The following GRM7 variants were observed in gnomAD, a reference collection of about 807,000 sequenced individuals.
GRM7 encodes metabotropic glutamate receptor 7.
A neutral mutation model predicts 84.5 loss-of-function variants in GRM7; 35 were observed. That is an observed-to-expected ratio of 0.41 (90% CI 0.32 to 0.55). The LOEUF is 0.55. Ranked by LOEUF, GRM7 falls within the 20% of genes least tolerant of loss-of-function variation. GRM7 has a pLI of 0.19. For synonymous variants in GRM7, 487 were observed against 455.1 expected (o/e 1.07, Z -0.89); for missense variants, 1,003 against 1,194.6 (o/e 0.84, Z 2.36).
chr3:7,312,936 C>CT (rs372557190), intron 4 of GRM7, among the ~76,000 whole-genome samples: 1,420 of 127,256 alleles, frequency 0.011, 20 homozygotes, highest in African/African-American at 0.032. Context: ...TTCTTTTTTT[C>CT]TTTTTTTTTT....
chr3:7,103,744 CTCTCCCTTTCTTTCTTT>C (rs1699187384), intron 1 of GRM7, among the ~76,000 whole-genome samples: 2 of 136,866 alleles, frequency 1.5e-5, no homozygotes, highest in Non-Finnish European at 3.0e-5. Context: ...CTCTTTCTCT[CTCTCCCTTTCTTTCTTT>C]CTTTCTTTCT....
intron 4 of GRM7, among the ~76,000 whole-genome samples, chr3:7,332,803 C>A (rs1044787525): frequency 4.6e-5 from 7 of 152,148 alleles, no homozygotes; most frequent in African/African-American, 1.7e-4. Context: ...TTGGCCTCAG[C>A]AAGCCCCACC....
intron 4 of GRM7, among the ~76,000 whole-genome samples, chr3:7,367,618 A>G (rs1410838911): frequency 6.6e-6 from 1 of 151,886 alleles, no homozygotes; most frequent in Admixed American, 6.6e-5. Flanking sequence ...GGCCCTGCAT[A>G]ATAATAATAT....
intron 2 of GRM7, among the ~76,000 whole-genome samples, chr3:7,294,663 T>C (rs552356597): frequency 1.3e-5 from 2 of 152,196 alleles, no homozygotes; most frequent in South Asian, 2.1e-4. Context: ...CAGGTGAATA[T>C]GCCTCAAAAT....
At chr3:7,109,098 G>A (rs1306164407) in intron 1 of GRM7, among the ~76,000 whole-genome samples, 2 of 152,002 alleles carry the variant, frequency 1.3e-5, no homozygotes, top group African/African-American at 2.4e-5. Context: ...GCATAAAAGA[G>A]GCTGATATGA....
At chr3:7,173,980 T>C (rs892274388) in intron 2 of GRM7, among the ~76,000 whole-genome samples, 1 of 152,244 alleles carries the variant, frequency 6.6e-6, no homozygotes, top group Non-Finnish European at 1.5e-5. Context: ...CATAAAATCG[T>C]GCATGGTCAA....
At chr3:7,606,328 G>A (rs761234891) in intron 8 of GRM7, among the ~76,000 whole-genome samples, 1 of 152,000 alleles carries the variant, frequency 6.6e-6, no homozygotes, top group Non-Finnish European at 1.5e-5. Flanking sequence ...TTCAAAGATA[G>A]TTTTAGGTGT....
intron 1 of GRM7, among the ~76,000 whole-genome samples, chr3:7,028,201 T>C (rs2124922943): frequency 6.6e-6 from 1 of 152,326 alleles, no homozygotes; most frequent in Admixed American, 6.5e-5. Context: ...TACTATTTAA[T>C]AAATGTGTGC....
rs892437676 is a variant in GRM7, at chr3:7,155,477, G to A, written c.736+8809G>A. Reference sequence around the variant, plus strand: ...TTCATTAAAACAGAGGCATGAAAGTGGGCATCGGAATTAGTCAAATGGAGA... The same window carrying A: ...TTCATTAAAACAGAGGCATGAAAGTAGGCATCGGAATTAGTCAAATGGAGA... On this transcript the variant is annotated intron_variant, in intron 2 of 9. Transcript: ENST00000357716. Among the ~76,000 whole-genome samples, 4 of 151,866 alleles carry A rather than the reference G, an allele frequency of 2.6e-5. No homozygotes were observed. The East Asian group carries it at 7.8e-4, about 29-fold the overall frequency.
At chr3:7,458,125 G>T (rs546442834) in intron 6 of GRM7, among the ~76,000 whole-genome samples, 4 of 152,118 alleles carry the variant, frequency 2.6e-5, no homozygotes, top group Non-Finnish European at 4.4e-5. Context: ...TATTATCTGG[G>T]CTATCTGAAT....
chr3:7,311,534 A>T (rs1007902430), intron 4 of GRM7, among the ~76,000 whole-genome samples: 1 of 151,770 alleles, frequency 6.6e-6, no homozygotes, highest in Admixed American at 6.6e-5. Context: ...CAGGGCATTT[A>T]TCCTCCCTGT....
chr3:7,396,905 C>T (rs1695233858), intron 4 of GRM7, among the ~76,000 whole-genome samples: 1 of 152,044 alleles, frequency 6.6e-6, no homozygotes, highest in African/African-American at 2.4e-5. Context: ...TATTATTCTC[C>T]TTTCCTATAA....
At chr3:7,337,927 T>G (rs1396506336) in intron 4 of GRM7, among the ~76,000 whole-genome samples, 1 of 151,774 alleles carries the variant, frequency 6.6e-6, no homozygotes, top group African/African-American at 2.4e-5. Context: ...AAGAAGTCAT[T>G]ATATGAAAAA....
chr3:7,128,891 A>C (rs9872652), intron 1 of GRM7, among the ~76,000 whole-genome samples: 8,135 of 152,112 alleles, frequency 0.053, 570 homozygotes, highest in African/African-American at 0.15. Context: ...AGAAAAGAGC[A>C]CAGGAACCTC....
chr3:7,417,961 A>G (rs901517184), intron 5 of GRM7, among the ~76,000 whole-genome samples: 7 of 152,158 alleles, frequency 4.6e-5, no homozygotes, highest in Admixed American at 6.6e-5. Flanking sequence ...AAATCACAAG[A>G]AAATGCAAAG....
intron 5 of GRM7, among the ~76,000 whole-genome samples, chr3:7,438,931 C>T (rs1697172101): frequency 6.6e-6 from 1 of 152,082 alleles, no homozygotes; most frequent in Admixed American, 6.6e-5. Flanking sequence ...ATCCAATATA[C>T]CCATAAGACA....
At chr3:6,949,729 A>T (rs998935698) in intron 1 of GRM7, among the ~76,000 whole-genome samples, 7 of 152,076 alleles carry the variant, frequency 4.6e-5, no homozygotes, top group Admixed American at 4.6e-4. Context: ...ACATAGTCCC[A>T]TATTTCTTGG....
chr3:7,371,059 T>G (rs1234329643), intron 4 of GRM7, among the ~76,000 whole-genome samples: 1 of 152,208 alleles, frequency 6.6e-6, no homozygotes, highest in Non-Finnish European at 1.5e-5. Context: ...ATTTTTTCTT[T>G]GTACAGAGAC....
chr3:6,890,930 T>C (rs1294228988), intron 1 of GRM7, among the ~76,000 whole-genome samples: 2 of 152,158 alleles, frequency 1.3e-5, no homozygotes, highest in Non-Finnish European at 2.9e-5. Flanking sequence ...ATTGGGTGTA[T>C]ATATATTTAG....
Sources: gnomAD v4.1 joint callset for allele counts (sites outside exome capture counted in the v4.1 genomes callset) on GRCh38, gnomAD v4.1.1 for gene constraint, MANE v1.5 for transcripts, NCBI Gene and HGNC (gene_info 2026-07-23, HGNC 2026-07-21) for gene names.